The following ZNF600 variants were observed in gnomAD, a reference collection of about 807,000 sequenced individuals.
The protein encoded by ZNF600 is zinc finger protein 600.
A neutral mutation model predicts 7.3 loss-of-function variants in ZNF600; 4 were observed. The ratio of observed to expected loss-of-function variants is 0.55; its 90% CI spans 0.27 to 1.25. The LOEUF is 1.25. Among genes scored for constraint, ZNF600 ranks in the 50% most tolerant of loss-of-function variants. The pLI, the probability that ZNF600 is intolerant of heterozygous loss-of-function variation, is 0.12. For missense variants in ZNF600, 911 were observed against 922.1 expected, an observed-to-expected ratio of 0.99 and a Z score of 0.16; for synonymous variants, 290 against 308.9, an observed-to-expected ratio of 0.94 and a Z score of 0.64.
intron 2 of ZNF600, among the ~76,000 whole-genome samples, chr19:52,776,772 T>C (rs534517975): frequency 2.0e-5 from 3 of 152,174 alleles, no homozygotes; most frequent in African/African-American, 4.8e-5. Context: ...AAATAACTTA[T>C]TGCAAATGTT....
chr19:52,798,419 A>C, the ZNF600 span: 236 of 417,328 alleles, frequency 5.7e-4, 1 homozygote, highest in Non-Finnish European at 8.7e-4. Flanking sequence ...ATGGCTTGCT[A>C]TACTAATGGC....
chr19:52,833,451 C>G, the ZNF600 span, among the ~76,000 whole-genome samples: 4 of 152,052 alleles, frequency 2.6e-5, no homozygotes, highest in African/African-American at 9.7e-5. Context: ...ACCTGTCAGG[C>G]AAAATGCTTC....
chr19:52,811,083 G>T, the ZNF600 span, among the ~76,000 whole-genome samples: 1 of 149,600 alleles, frequency 6.7e-6, no homozygotes, highest in African/African-American at 2.5e-5. Context: ...TGGTGGAGAC[G>T]GGGTTTCGCT....
the ZNF600 span, among the ~76,000 whole-genome samples, chr19:52,813,142 A>T: frequency 6.6e-6 from 1 of 151,518 alleles, no homozygotes; most frequent in African/African-American, 2.4e-5. Flanking sequence ...ATGTATTTAA[A>T]ATGACGCTAC....
upstream of ZNF600, among the ~76,000 whole-genome samples, chr19:52,791,625 C>T (rs1329009776): frequency 6.6e-6 from 1 of 152,182 alleles, no homozygotes; most frequent in Non-Finnish European, 1.5e-5. Context: ...GACTCACTCC[C>T]TTCCTGTGAC....
Position 52,766,135 on chromosome 19 carries a change from G to A in ZNF600, c.1828C>T (p.Leu610Phe), listed in dbSNP as rs776979856. The A allele has an allele frequency of 1.8e-5, 29 of 1,613,982 alleles. No homozygotes were observed. The Admixed American group carries it at 4.7e-4, about 26-fold the overall frequency. ...CTATGAAGTCTACGATGGCAATGAA[G>A]GTATGACCTCTGACTGAAGGTCTTG... Residue 610 changes from leucine (L) to phenylalanine (F), a missense_variant, in exon 4 of 4, where the codon CTT (leucine) becomes TTT (phenylalanine). Leu to Phe is a conservative substitution (Grantham distance 22). Coordinates refer to ENST00000648973, the Ensembl canonical transcript of ZNF600.
At chr19:52,817,535 C>A in the ZNF600 span, among the ~76,000 whole-genome samples, 2 of 152,026 alleles carry the variant, frequency 1.3e-5, no homozygotes, top group African/African-American at 4.8e-5. Flanking sequence ...CCTTATTGGT[C>A]TCCTTTTCTA....
the ZNF600 span, chr19:52,798,833 T>A: frequency 3.2e-4 from 339 of 1,073,816 alleles, 1 homozygote; most frequent in African/African-American, 5.0e-3. Flanking sequence ...GAAAACTTTG[T>A]GACAATCATT....
At chr19:52,778,891 G>C in exon 2 of ZNF600, 1 of 1,602,172 alleles carries the variant, frequency 6.2e-7, no homozygotes, top group Non-Finnish European at 8.5e-7. Context: ...CATAACATGA[G>C]TCTTTAGGAA....
At chr19:52,774,822 G>A (rs2062660154) in intron 2 of ZNF600, 121 bp from the exon 5 acceptor site, 2 of 982,220 alleles carry the variant, frequency 2.0e-6, no homozygotes, top group South Asian at 9.4e-5. Context: ...AAATGTTAAG[G>A]TATTTTGAAT....
At chr19:52,800,821 G>A in the ZNF600 span, 15 of 1,613,938 alleles carry the variant, frequency 9.3e-6, no homozygotes, top group Admixed American at 1.2e-4. Flanking sequence ...TGTTTTGCTA[G>A]GTATGAATTA....
At chr19:52,792,113 C>G in the ZNF600 span, among the ~76,000 whole-genome samples, 1 of 152,256 alleles carries the variant, frequency 6.6e-6, no homozygotes, top group South Asian at 2.1e-4. Context: ...GAGCTCCACT[C>G]AGAGGGCGTG....
chr19:52,781,648 C>T (rs1422397482), intron 1 of ZNF600, among the ~76,000 whole-genome samples, 184 bp from the exon 2 acceptor site: 2 of 152,112 alleles, frequency 1.3e-5, no homozygotes, highest in African/African-American at 2.4e-5. Context: ...CATCTGCGGT[C>T]CCAGCTACCT....
chr19:52,824,287 T>C, the ZNF600 span, among the ~76,000 whole-genome samples: 14 of 152,082 alleles, frequency 9.2e-5, no homozygotes, highest in African/African-American at 2.2e-4. Context: ...TACAAAGATA[T>C]GTCTACCTGC....
the ZNF600 span, among the ~76,000 whole-genome samples, chr19:52,820,945 C>A: frequency 3.4e-3 from 514 of 150,232 alleles, 5 homozygotes; most frequent in East Asian, 5.6e-3. Flanking sequence ...CACGATCACA[C>A]GAGGGTTTGG....
the ZNF600 span, among the ~76,000 whole-genome samples, chr19:52,828,114 C>T: frequency 3.3e-5 from 5 of 151,792 alleles, no homozygotes; most frequent in South Asian, 4.2e-4. Context: ...TAAAATGGCG[C>T]GATCTCACCT....
intron 2 of ZNF600, among the ~76,000 whole-genome samples, chr19:52,776,519 C>T (rs370166444): frequency 3.9e-4 from 59 of 151,976 alleles, no homozygotes; most frequent in Middle Eastern, 3.4e-3. Context: ...TCAAGCAATT[C>T]TCTTGCCTCA....
At chr19:52,814,595 GA>G in the ZNF600 span, among the ~76,000 whole-genome samples, 129 of 136,802 alleles carry the variant, frequency 9.4e-4, 17 homozygotes, top group African/African-American at 3.4e-3. Context: ...GTCTCAAAAA[GA>G]AAAAAAAAAG....
the ZNF600 span, chr19:52,800,248 TA>T: frequency 6.2e-7 from 1 of 1,613,290 alleles, no homozygotes; most frequent in Non-Finnish European, 8.5e-7. Context: ...GCTTTTGTAC[TA>T]AAAACCTTGC....
Sources: gnomAD v4.1 joint callset for allele counts (sites outside exome capture counted in the v4.1 genomes callset) on GRCh38, gnomAD v4.1.1 for gene constraint, MANE v1.5 for transcripts, NCBI Gene and HGNC (gene_info 2026-07-23, HGNC 2026-07-21) for gene names.